The following LIG1 variants were observed in gnomAD, a reference collection of about 807,000 sequenced individuals.
LIG1 encodes the protein ligase I, DNA, ATP-dependent.
Under a neutral mutation model 115.7 loss-of-function variants are expected in LIG1, and 70 were observed. The ratio of observed to expected loss-of-function variants is 0.60; its 90% CI spans 0.50 to 0.74. The LOEUF is 0.74. Ranked by LOEUF, LIG1 falls within the 30% of genes least tolerant of loss-of-function variation. The probability of loss-of-function intolerance (pLI) is 0.00; values close to 1 mark genes in which losing one functional copy is unlikely to be tolerated. For synonymous variants in LIG1, 487 were observed against 495.3 expected (o/e 0.98, Z 0.22); for missense variants, 1,115 against 1,225.6 (o/e 0.91, Z 1.35).
chr19:48,119,325 G>A, intron 24 of LIG1, 135 bp from the exon 25 acceptor site: 1 of 752,248 alleles, frequency 1.3e-6, no homozygotes, highest in Non-Finnish European at 2.3e-6. Context: ...AACCAGGGAA[G>A]TAGGGAGCTG....
intron 1 of LIG1, chr19:48,169,795 C>G: frequency 6.5e-6 from 1 of 153,822 alleles, no homozygotes; most frequent in South Asian, 1.5e-4. Context: ...GCCCCGCCCA[C>G]ACGCAATCTT....
At chr19:48,164,769 T>G (rs1207109570) in intron 2 of LIG1, among the ~76,000 whole-genome samples, 2 of 152,224 alleles carry the variant, frequency 1.3e-5, no homozygotes, top group Admixed American at 6.5e-5. Context: ...AGTCATGCCC[T>G]TTCTTGTCTT....
intron 2 of LIG1, among the ~76,000 whole-genome samples, chr19:48,163,990 A>G (rs2036339465): frequency 6.6e-6 from 1 of 152,072 alleles, no homozygotes; most frequent in South Asian, 2.1e-4. Context: ...ACATTAAAAA[A>G]AAAATCTGGT....
chr19:48,163,768 C>T (rs1242431660), intron 2 of LIG1, among the ~76,000 whole-genome samples: 1 of 151,648 alleles, frequency 6.6e-6, no homozygotes, highest in Non-Finnish European at 1.5e-5. Context: ...ACGGTGAAAC[C>T]CTGCTTCTAC....
rs41546017 is a variant in LIG1 at position 48,115,682 on chromosome 19, C to T, written c.2727G>A (p.Glu909=). ...KQSQIQNQQG[E]DSGSDPEDTY ...TATCTTCAGGGTCAGAGCCTGAGTC[C>T]TCGCCTTGTTGGTTCTGAATCTGAC... Residue 909 remains glutamate (E), a synonymous_variant, in exon 28 of 28, where the codon GAG becomes GAA. Coordinates refer to ENST00000263274, the MANE Select transcript of LIG1 (RefSeq NM_000234.3). The T allele has an allele frequency of 6.2e-7, 1 of 1,614,166 alleles. No individual in the cohort carries two copies. The highest frequency in any genetic ancestry group is 8.5e-7 in the Non-Finnish European group (1 of 1,179,982).
At chr19:48,150,409 C>T (rs1407042425) in intron 7 of LIG1, among the ~76,000 whole-genome samples, 199 bp from the exon 8 acceptor site, 1 of 152,200 alleles carries the variant, frequency 6.6e-6, no homozygotes, top group Non-Finnish European at 1.5e-5. Context: ...AATTCTAGCA[C>T]TTGGCCTGAA....
intron 11 of LIG1, 29 bp downstream of exon 11, chr19:48,143,514 C>A: frequency 5.5e-6 from 3 of 550,150 alleles, no homozygotes; most frequent in South Asian, 2.8e-5. Flanking sequence ...GCGACCCCGC[C>A]CCCCACCCAG....
chr19:48,124,779 C>T (rs1483539992), intron 21 of LIG1, among the ~76,000 whole-genome samples: 2 of 152,114 alleles, frequency 1.3e-5, no homozygotes, highest in Non-Finnish European at 2.9e-5. Context: ...CTTTGGAAAG[C>T]GGAGGTGGGT....
chr19:48,122,802 G>A lies in LIG1; in HGVS notation c.2232+132C>T, dbSNP rs1014216537. Reference sequence around the variant, plus strand: ...GGTCTGAACTCAGTTGCAGCAGGGGGCTGGGGTGGGATTGTGAAAAGGGGC... The same window carrying A: ...GGTCTGAACTCAGTTGCAGCAGGGGACTGGGGTGGGATTGTGAAAAGGGGC... On this transcript the variant is annotated intron_variant, in intron 23 of 27. Coordinates refer to ENST00000263274, the MANE Select transcript of LIG1 (RefSeq NM_000234.3). The surrounding 1 kb of genome is among the most constrained non-coding windows in gnomAD (Gnocchi z 4.3). 3 of 848,546 alleles carry A rather than the reference G, an allele frequency of 3.5e-6. No individual in the cohort carries two copies. The African/African-American group carries it at 5.0e-5, about 14-fold the overall frequency. 52.6% of individuals were successfully genotyped at this position (848,546 alleles called of 1,614,324 possible).
rs274883 is a variant in LIG1 at position 48,119,288 on chromosome 19, A to G, written c.2386-98T>C. ...TGTGTACACTCATGGCCCCCACCCC[A>G]CTCTGGTCTACGCAGTATCCACAGA... On this transcript the variant is annotated intron_variant, in intron 24 of 27. Transcript: ENST00000263274. 0.22 allele frequency: 208,044 copies of G among 942,708 alleles called. 33,774 individuals carry two copies. Among genetic ancestry groups the G allele is most frequent in the African/African-American group, 0.76 (46,488 of 61,026 alleles). 58.4% of individuals were successfully genotyped at this position (942,708 alleles called of 1,614,324 possible).
At chr19:48,163,548 C>A (rs1425038490) in intron 2 of LIG1, among the ~76,000 whole-genome samples, 5 of 151,956 alleles carry the variant, frequency 3.3e-5, no homozygotes, top group Non-Finnish European at 7.4e-5. Flanking sequence ...AGGGCCTGTT[C>A]TGGGCCTGAG....
At chr19:48,130,041 C>A (rs2033916078) in intron 19 of LIG1, among the ~76,000 whole-genome samples, 2 of 152,218 alleles carry the variant, frequency 1.3e-5, no homozygotes, top group Non-Finnish European at 2.9e-5. Flanking sequence ...CAGGCGTGGG[C>A]CACTGCGCCC....
At chr19:48,126,657 G>C (rs1344462651) in intron 21 of LIG1, among the ~76,000 whole-genome samples, 1 of 150,504 alleles carries the variant, frequency 6.6e-6, no homozygotes, top group East Asian at 1.9e-4. Context: ...TGTTCATGTG[G>C]GTTACATAAT....
intron 9 of LIG1, among the ~76,000 whole-genome samples, chr19:48,144,613 T>C (rs908700435): frequency 2.0e-5 from 3 of 152,080 alleles, no homozygotes; most frequent in Non-Finnish European, 2.9e-5. Context: ...GTGATTCTTC[T>C]GCCTCAGCCT....
intron 11 of LIG1, 112 bp downstream of exon 11, chr19:48,143,431 G>A (rs1419719610): frequency 3.0e-6 from 3 of 987,290 alleles, no homozygotes; most frequent in Admixed American, 1.7e-5. Context: ...GCCCGAGCGG[G>A]GTCAGAGGCC....
chr19:48,153,413 GA>G (rs3730894), intron 6 of LIG1, among the ~76,000 whole-genome samples: 45,376 of 151,486 alleles, frequency 0.3, 7,886 homozygotes, highest in East Asian at 0.55. Context: ...TCATTTAGAG[GA>G]AAAATAGTTT....
chr19:48,144,061 C>T (rs1198294997), intron 9 of LIG1, 98 bp from the exon 10 acceptor site: 4 of 992,700 alleles, frequency 4.0e-6, no homozygotes, highest in African/African-American at 1.6e-5. Flanking sequence ...TCAAGGCACA[C>T]GGTGCAGAGC....
At chr19:48,160,776 C>T (rs897626976) in intron 4 of LIG1, among the ~76,000 whole-genome samples, 14 of 151,656 alleles carry the variant, frequency 9.2e-5, no homozygotes, top group African/African-American at 3.4e-4. Flanking sequence ...TCTGTCACCC[C>T]GGCTGGAGTA....
chr19:48,127,001 T>A (rs779004647), intron 21 of LIG1: 96 of 481,108 alleles, frequency 2.0e-4, no homozygotes, highest in Non-Finnish European at 3.0e-4. Flanking sequence ...TTCTCCTGCG[T>A]GCTTCTACGA....
Sources: allele counts gnomAD v4.1 joint callset (sites outside exome capture counted in the v4.1 genomes callset), GRCh38; gene constraint gnomAD v4.1.1; non-coding constraint Gnocchi (gnomAD v3.1); transcripts MANE v1.5; gene names NCBI Gene and HGNC (gene_info 2026-07-23, HGNC 2026-07-21).